SPG21: variants seen among roughly 807,000 people sequenced by gnomAD.
The protein encoded by SPG21 is maspardin.
A neutral mutation model predicts 38.9 loss-of-function variants in SPG21; 26 were observed. The observed-to-expected ratio is 0.67, with a 90% CI of 0.49 to 0.93. The LOEUF (loss-of-function observed/expected upper bound fraction) is 0.93, where lower values mean the gene tolerates loss of function less well. SPG21 is among the 40% of genes least tolerant of loss of function. SPG21 has a pLI of 0.00. For missense variants in SPG21, 333 were observed against 376.5 expected (o/e 0.88, Z 0.96); for synonymous variants, 136 against 128.9 (o/e 1.05, Z -0.37).
chr15:64,987,905 A>G (rs946831620), intron 1 of SPG21, among the ~76,000 whole-genome samples: 2 of 152,208 alleles, frequency 1.3e-5, no homozygotes, highest in Non-Finnish European at 2.9e-5. Flanking sequence ...GTGGTGGCAC[A>G]TGCCTGTAAT....
chr15:64,976,282 G>A (rs981766293), intron 4 of SPG21, among the ~76,000 whole-genome samples, 193 bp downstream of exon 4: 17 of 151,634 alleles, frequency 1.1e-4, no homozygotes, highest in African/African-American at 3.2e-4. Flanking sequence ...AAAACTAGCC[G>A]GGCATGGTGG....
intron 7 of SPG21, among the ~76,000 whole-genome samples, chr15:64,966,355 A>G (rs1481320286): frequency 6.6e-6 from 1 of 152,178 alleles, no homozygotes; most frequent in Non-Finnish European, 1.5e-5. Context: ...TACTAAATAT[A>G]CCATACCAAA....
chr15:64,983,766 T>C (rs2085931392), intron 1 of SPG21, among the ~76,000 whole-genome samples, 173 bp from the exon 2 acceptor site: 1 of 151,462 alleles, frequency 6.6e-6, no homozygotes, highest in Admixed American at 6.6e-5. Context: ...AATACTACAA[T>C]CACAGAATCA....
chr15:64,984,812 T>C (rs778060164), intron 1 of SPG21, among the ~76,000 whole-genome samples: 1 of 150,548 alleles, frequency 6.6e-6, no homozygotes, highest in Non-Finnish European at 1.5e-5. Flanking sequence ...TGCAGTGGCG[T>C]GATCTCAGCT....
chr15:64,971,645 G>A (rs958798525), intron 5 of SPG21, among the ~76,000 whole-genome samples: 4 of 151,966 alleles, frequency 2.6e-5, no homozygotes, highest in African/African-American at 7.3e-5. Context: ...AGACCAGCCT[G>A]GCCAAGATGG....
chr15:64,984,872 C>T (rs2085958581), intron 1 of SPG21, among the ~76,000 whole-genome samples: 1 of 151,844 alleles, frequency 6.6e-6, no homozygotes, highest in South Asian at 2.1e-4. Flanking sequence ...GCCTCAGCCT[C>T]CTGAGTAGCT....
At position 64,970,230 on chromosome 15, in the gene SPG21, A is replaced by G. The variant is rs2085635542; in HGVS notation, c.453-8T>C. On this transcript the variant is annotated splice_region_variant and splice_polypyrimidine_tract_variant and intron_variant, in intron 5 of 8. Coordinates refer to ENST00000204566, the MANE Select transcript of SPG21 (RefSeq NM_016630.7). The stretch of plus-strand genomic sequence containing the variant: ...GCAGGCATCAGCCAAAAGCTGTAAA[A>G]CACAAAGACCTTATAATTTAAACTT... 6.2e-7 allele frequency: 1 copy of G among 1,605,694 alleles called. No homozygotes were observed.
At chr15:64,964,932 G>A (rs1465719392) in intron 8 of SPG21, among the ~76,000 whole-genome samples, 3 of 152,090 alleles carry the variant, frequency 2.0e-5, no homozygotes, top group Non-Finnish European at 4.4e-5. Context: ...GCCTGGTAGG[G>A]TTTTCTTTTA....
At chr15:64,983,032 C>T (rs189687118) in intron 2 of SPG21, 6 of 174,562 alleles carry the variant, frequency 3.4e-5, no homozygotes, top group South Asian at 3.2e-4. Context: ...CCAAGGTGGG[C>T]GGATCACTTG....
intron 2 of SPG21, among the ~76,000 whole-genome samples, chr15:64,982,223 C>A (rs767657866): frequency 6.9e-6 from 1 of 145,960 alleles, no homozygotes; most frequent in Non-Finnish European, 1.5e-5. Flanking sequence ...CAGCTTACTG[C>A]AAGCTTGTCT....
At chr15:64,988,440 A>G (rs922206946) in intron 1 of SPG21, among the ~76,000 whole-genome samples, 6 of 152,212 alleles carry the variant, frequency 3.9e-5, no homozygotes, top group Non-Finnish European at 8.8e-5. Flanking sequence ...AATACTAGCC[A>G]TAACAAAATA....
At chr15:64,979,843 T>A (rs1177610115) in intron 3 of SPG21, among the ~76,000 whole-genome samples, 3 of 83,396 alleles carry the variant, frequency 3.6e-5, no homozygotes, top group Non-Finnish European at 2.1e-5. Flanking sequence ...TGTGGAAGCA[T>A]GCAAAAAAAA....
At chr15:64,985,666 C>T (rs2085977256) in intron 1 of SPG21, among the ~76,000 whole-genome samples, 1 of 152,192 alleles carries the variant, frequency 6.6e-6, no homozygotes, top group Non-Finnish European at 1.5e-5. Context: ...GACCTAACTC[C>T]CGGGCTGACT....
intron 7 of SPG21, among the ~76,000 whole-genome samples, chr15:64,965,667 C>T (rs897387766): frequency 1.9e-4 from 29 of 152,084 alleles, no homozygotes; most frequent in African/African-American, 6.8e-4. Context: ...TAACTCCAAC[C>T]GAAGACATTA....
intron 7 of SPG21, among the ~76,000 whole-genome samples, chr15:64,968,340 C>CAAAAAAAAAAAAAAAAAAAA (rs11305475): frequency 9.1e-6 from 1 of 109,702 alleles, no homozygotes; most frequent in Non-Finnish European, 1.7e-5. Flanking sequence ...ACCCTGTTTC[C>CAAAAAAAAAAAAAAAAAAAA]AAAAAAAAAA....
chr15:64,984,335 G>C (rs1057095290), intron 1 of SPG21, among the ~76,000 whole-genome samples: 16 of 151,978 alleles, frequency 1.1e-4, no homozygotes, highest in African/African-American at 3.6e-4. Context: ...GTCCACGCTA[G>C]AGAAAGGAGT....
chr15:64,976,698 T>C (rs1309038469), intron 3 of SPG21, 143 bp from the exon 4 acceptor site: 4 of 652,368 alleles, frequency 6.1e-6, no homozygotes, highest in African/African-American at 3.7e-5. Flanking sequence ...AAAAATAAGC[T>C]CTCACTTTTT....
intron 1 of SPG21, among the ~76,000 whole-genome samples, chr15:64,986,238 C>T (rs951615912): frequency 6.6e-6 from 1 of 151,844 alleles, no homozygotes; most frequent in African/African-American, 2.4e-5. Flanking sequence ...TGGTGGCGCA[C>T]GCCCGTAGTC....
chr15:64,977,398 C>T (rs2085801016), intron 3 of SPG21, among the ~76,000 whole-genome samples: 1 of 150,582 alleles, frequency 6.6e-6, no homozygotes, highest in South Asian at 2.1e-4. Flanking sequence ...CACTCTCTCT[C>T]ACCCAGGCTG....
Sources: gnomAD v4.1 joint callset for allele counts (sites outside exome capture counted in the v4.1 genomes callset) on GRCh38, gnomAD v4.1.1 for gene constraint, MANE v1.5 for transcripts, NCBI Gene and HGNC (gene_info 2026-07-23, HGNC 2026-07-21) for gene names.